Variants in C6orf89 observed in about 807,000 individuals in gnomAD.
C6orf89 encodes chromosome 6 open reading frame 89, also known as bombesin receptor-activated protein C6orf89.
C6orf89 carries 29 observed loss-of-function variants against 40.7 expected under a neutral mutation model. That is an observed-to-expected ratio of 0.71 (90% CI 0.53 to 0.97). C6orf89 has a LOEUF of 0.97. Ranked by LOEUF, C6orf89 falls within the 50% of genes least tolerant of loss-of-function variation. C6orf89 has a pLI of 0.00. For missense variants in C6orf89, 392 were observed against 429.1 expected (o/e 0.91, Z 0.76); for synonymous variants, 165 against 152.2 (o/e 1.08, Z -0.62).
At chr6:36,890,523 T>C (rs1761163521) in intron 1 of C6orf89, among the ~76,000 whole-genome samples, 1 of 147,650 alleles carries the variant, frequency 6.8e-6, no homozygotes, top group South Asian at 2.2e-4. Flanking sequence ...ATGTATATAC[T>C]ACATTTAAAA....
At chr6:36,891,030 A>G (rs1761191521) in intron 1 of C6orf89, among the ~76,000 whole-genome samples, 1 of 152,112 alleles carries the variant, frequency 6.6e-6, no homozygotes, top group Admixed American at 6.6e-5. Context: ...GTTTTAGGGT[A>G]CATGTGCACA....
chr6:36,904,934 AC>A (rs1761870397), intron 4 of C6orf89, among the ~76,000 whole-genome samples: 1 of 152,140 alleles, frequency 6.6e-6, no homozygotes, highest in African/African-American at 2.4e-5. Flanking sequence ...CACCCAGGGA[AC>A]AAAAAGGTGA....
chr6:36,891,235 C>T (rs1346204766), intron 1 of C6orf89, among the ~76,000 whole-genome samples: 5 of 152,152 alleles, frequency 3.3e-5, no homozygotes, highest in Non-Finnish European at 7.3e-5. Context: ...TGAGTGAGAA[C>T]ATACGGTGTT....
intron 3 of C6orf89, among the ~76,000 whole-genome samples, chr6:36,901,439 A>G (rs1761709401): frequency 7.1e-6 from 1 of 141,038 alleles, no homozygotes; most frequent in Non-Finnish European, 1.5e-5. Context: ...GGTTCACACC[A>G]TTCTCCTGCC....
chr6:36,889,724 T>G lies in C6orf89; in HGVS notation c.-120+3696T>G, dbSNP rs181433237. On this transcript the variant is annotated intron_variant, in intron 1 of 8. Transcript: ENST00000480824. ...AGCTATATGATCTTTTTAAAAAAAT[T>G]TGATAGTTAAGGAAACTTGACTATA... is the stretch of plus-strand genomic sequence containing the variant. 1.4e-3 allele frequency among the ~76,000 whole-genome samples: 216 copies of G among 152,340 alleles called. 3 individuals carry two copies. The highest frequency in any genetic ancestry group is 0.014 in the Admixed American group (215 of 15,302).
chr6:36,872,613 A>ATT (rs564664124), intron 1 of C6orf89, among the ~76,000 whole-genome samples: 18 of 147,078 alleles, frequency 1.2e-4, no homozygotes, highest in Non-Finnish European at 1.7e-4. Flanking sequence ...GGATGTGACA[A>ATT]TTTTTTTTTT....
Position 36,914,594 on chromosome 6 carries a change from T to C in C6orf89, c.596T>C (p.Leu199Ser), listed in dbSNP as rs774079879. The change falls in exon 6 of 9, where the codon TTG becomes TCG. Residue 199 changes from leucine to serine, a missense_variant. Physicochemically the swap from Leu to Ser is moderately radical, Grantham distance 145. Transcript: ENST00000480824. ...PLLEEEIQHFLCQYPEATEGF... is the reference protein window; with the variant it reads ...PLLEEEIQHFSCQYPEATEGF... ...TTGGAGGAAGAGATTCAGCATTTTT[T>C]GTGCCAGTACCCTGAGGCGACAGAA... is the stretch of plus-strand genomic sequence containing the variant. 2.3e-5 allele frequency: 37 copies of C among 1,614,236 alleles called. 1 individual carries two copies. In the South Asian group the frequency reaches 3.5e-4, roughly 15 times the overall value.
intron 1 of C6orf89, among the ~76,000 whole-genome samples, chr6:36,891,321 A>T (rs1257147315): frequency 6.6e-6 from 1 of 152,120 alleles, no homozygotes; most frequent in African/African-American, 2.4e-5. Context: ...AAGGACATGA[A>T]CTCATCCTTT....
At position 36,890,216 on chromosome 6, in the gene C6orf89, T is replaced by C. The variant is rs541223162; in HGVS notation, c.-120+4188T>C. Among the ~76,000 whole-genome samples, 837 of 152,352 alleles carry C rather than the reference T, an allele frequency of 5.5e-3. 6 individuals are homozygous for C. The highest frequency in any genetic ancestry group is 0.018 in the African/African-American group (753 of 41,574). On this transcript the variant is annotated intron_variant, in intron 1 of 8. Coordinates refer to ENST00000480824, the MANE Select transcript of C6orf89 (RefSeq NM_001286635.2). ...ATATACAATACAGTATTGTTAACTC[T>C]GGGCACTGTGCTGTATAGTAGGTCT...
rs111762317 is a variant in C6orf89, at chr6:36,872,012, A to G, written c.-628+45A>G. ...TAACCACTGGATTTCATGCTCAGCA[A>G]AGGAAAACACCACAATGCAAGTAAC... is the stretch of plus-strand genomic sequence containing the variant. On this transcript the variant is annotated intron_variant, in intron 1 of 9. Coordinates refer to the C6orf89 transcript ENST00000359359. 7 of 752,746 alleles carry G rather than the reference A, an allele frequency of 9.3e-6. No homozygotes were observed. The African/African-American group carries it at 1.1e-4, about 12-fold the overall frequency. The allele number at this position is 752,746 out of a possible 1,614,324, so 46.6% of individuals were successfully genotyped here.
At chr6:36,894,869 G>A (rs1249625865) in intron 2 of C6orf89, among the ~76,000 whole-genome samples, 1 of 152,248 alleles carries the variant, frequency 6.6e-6, no homozygotes, top group Non-Finnish European at 1.5e-5. Context: ...TTCCTGAAGT[G>A]TTCATAGATT....
Position 36,886,027 on chromosome 6 carries a change from AT to A in C6orf89, c.-120del. 1 of 1,257,656 alleles carries A rather than the reference AT, an allele frequency of 8.0e-7. No individual in the cohort carries two copies. The highest frequency in any genetic ancestry group is 1.0e-6 in the Non-Finnish European group (1 of 998,192). 77.9% of individuals were successfully genotyped at this position (1,257,656 alleles called of 1,614,324 possible). On this transcript the variant is annotated splice_region_variant and 5_prime_UTR_variant, in exon 1 of 9. It removes an upstream start codon present in the reference 5' UTR. Transcript: ENST00000480824. ...GGAGCCCGAGGGGCGCGAGCCCCGC[AT>A]GTGAGTGACTGGGGCCCGAGGCTGG...
At chr6:36,900,793 C>G (rs1018807964) in intron 3 of C6orf89, among the ~76,000 whole-genome samples, 1 of 151,916 alleles carries the variant, frequency 6.6e-6, no homozygotes, top group African/African-American at 2.4e-5. Flanking sequence ...CCACCTCAGT[C>G]TCCCAAAGTG....
At chr6:36,887,245 C>T (rs934982276) in intron 1 of C6orf89, among the ~76,000 whole-genome samples, 1 of 152,006 alleles carries the variant, frequency 6.6e-6, no homozygotes, top group Non-Finnish European at 1.5e-5. Context: ...CTCCCGACCT[C>T]TGCATTTTTA....
chr6:36,882,713 CTTTTTTTTTT>C (rs1168220528), upstream of C6orf89, among the ~76,000 whole-genome samples: 1 of 115,446 alleles, frequency 8.7e-6, no homozygotes, highest in Non-Finnish European at 1.9e-5. Context: ...TTGTCATTTT[CTTTTTTTTTT>C]TTTCTTTTTT....
chr6:36,872,482 A>T (rs1272370702), intron 1 of C6orf89, among the ~76,000 whole-genome samples: 2 of 152,176 alleles, frequency 1.3e-5, no homozygotes, highest in Non-Finnish European at 2.9e-5. Flanking sequence ...GAATCTTTGC[A>T]CCTACCCAAT....
chr6:36,899,345 G>T, intron 2 of C6orf89, 81 bp from the exon 3 acceptor site: 2 of 1,305,296 alleles, frequency 1.5e-6, no homozygotes, highest in Non-Finnish European at 2.2e-6. Context: ...CTTCTCTACA[G>T]ATGGTCAAGT....
Position 36,902,286 on chromosome 6 carries a change from A to G in C6orf89, c.255A>G (p.Leu85=). 1.2e-6 allele frequency: 2 copies of G among 1,614,146 alleles called. No individual in the cohort carries two copies. Among genetic ancestry groups the G allele is most frequent in the South Asian group, 2.2e-5 (2 of 91,082 alleles). The change falls in exon 4 of 9, where the codon TTA becomes TTG. Residue 85 remains leucine, a synonymous_variant. Transcript: ENST00000480824. ...TTGTGATTCAACCTTTCAGCCCATT[A>G]GCACCTGAGCCAGTGCTTTCTGGAG... The part of the protein sequence containing the change: ...AYFVIQPFSP[L]APEPVLSGAH...
intron 1 of C6orf89, among the ~76,000 whole-genome samples, chr6:36,876,787 G>A (rs1314700147): frequency 6.6e-6 from 1 of 151,408 alleles, no homozygotes. Flanking sequence ...CCTGAGCTCT[G>A]GTTACTCCAG....
Sources: allele counts gnomAD v4.1 joint callset (sites outside exome capture counted in the v4.1 genomes callset), GRCh38; gene constraint gnomAD v4.1.1; transcripts MANE v1.5; gene names NCBI Gene and HGNC (gene_info 2026-07-23, HGNC 2026-07-21).